The following UTS2R variants were observed in gnomAD, a reference collection of about 807,000 sequenced individuals.
The protein encoded by UTS2R is urotensin 2 receptor.
For synonymous variants in UTS2R, 335 were observed against 280.9 expected, an observed-to-expected ratio of 1.19 and a Z score of -1.93; for missense variants, 653 against 562.2, an observed-to-expected ratio of 1.16 and a Z score of -1.63.
chr17:82,375,089 C>T lies in UTS2R; in HGVS notation c.765C>T (p.Arg255=). ...AGCGGGCCCGGCGGCCGGGGGCGCG[C>T]GCGCTGCGCCTGGTGCTGGGCATCG... The part of the protein sequence containing the change: ...SFKRARRPGA[R]ALRLVLGIVL... Residue 255 remains arginine, a synonymous_variant, in exon 3 of 3, where the codon CGC becomes CGT. Transcript: ENST00000313135. The T allele has an allele frequency of 7.1e-7, 1 of 1,410,434 alleles. No individual in the cohort carries two copies. Among genetic ancestry groups the T allele is most frequent in the South Asian group, 1.6e-5 (1 of 63,440 alleles). The allele number at this position is 1,410,434 out of a possible 1,614,324, so 87.4% of individuals were successfully genotyped here.
In UTS2R at chr17:82,375,455, G is replaced by C. The variant is rs760837861; in HGVS notation, c.1131G>C (p.Pro377=). The change falls in exon 3 of 3, where the codon CCG becomes CCC. Residue 377 remains proline (P), a synonymous_variant. Transcript: ENST00000313135. ...TDSLVLAPAA[P]ARPAPEGPRA... Reference sequence around the variant, plus strand: ...GCCTCGTGCTGGCCCCAGCGGCCCCGGCCCGACCTGCGCCCGAGGGTCCCA... The same window carrying C: ...GCCTCGTGCTGGCCCCAGCGGCCCCCGCCCGACCTGCGCCCGAGGGTCCCA... 2 of 1,525,472 alleles carry C rather than the reference G, an allele frequency of 1.3e-6. No homozygotes were observed. Among genetic ancestry groups the C allele is most frequent in the Non-Finnish European group, 8.8e-7 (1 of 1,140,894 alleles). The allele number at this position is 1,525,472 out of a possible 1,614,324, so 94.5% of individuals were successfully genotyped here.
chr17:82,373,161 T>C (rs2052462427), intron 2 of UTS2R, among the ~76,000 whole-genome samples: 1 of 152,140 alleles, frequency 6.6e-6, no homozygotes, highest in Non-Finnish European at 1.5e-5. Context: ...GTTTCTTCTT[T>C]TTTTTTTTCT....
Position 82,374,658 on chromosome 17 carries a change from G to A in UTS2R, c.334G>A (p.Val112Ile), listed in dbSNP as rs199706256. ...LSIPFIVATY[V>I]TKEWHFGDVG... ...CATCCCCTTCATCGTGGCCACCTAC[G>A]TCACCAAGGAGTGGCACTTCGGGGA... Residue 112 changes from valine to isoleucine, a missense_variant, in exon 3 of 3, where the codon GTC becomes ATC. By Grantham distance (29) the Val-to-Ile change is conservative. Coordinates refer to ENST00000313135, the MANE Select transcript of UTS2R (RefSeq NM_018949.3). 5 of 1,613,326 alleles carry A rather than the reference G, an allele frequency of 3.1e-6. No individual in the cohort carries two copies. Among genetic ancestry groups the A allele is most frequent in the Non-Finnish European group, 4.2e-6 (5 of 1,179,948 alleles).
chr17:82,375,164 C>T lies in UTS2R; in HGVS notation c.840C>T (p.Leu280=). The change falls in exon 3 of 3, where the codon CTC becomes CTT. Residue 280 remains leucine (L), a synonymous_variant. Coordinates refer to ENST00000313135, the MANE Select transcript of UTS2R (RefSeq NM_018949.3). The part of the protein sequence containing the change: ...CFLPFWLWQL[L]AQYHQAPLAP... ...TGCCCTTCTGGCTGTGGCAGCTGCT[C>T]GCCCAGTACCACCAGGCCCCGCTGG... The T allele has an allele frequency of 6.5e-7, 1 of 1,543,948 alleles. No individual in the cohort carries two copies. Among genetic ancestry groups the T allele is most frequent in the Non-Finnish European group, 8.7e-7 (1 of 1,145,584 alleles).
Position 82,375,189 on chromosome 17 carries a change from G to T in UTS2R, c.865G>T (p.Ala289Ser), listed in dbSNP as rs759473085. ...CGCCCAGTACCACCAGGCCCCGCTG[G>T]CGCCGCGGACGGCGCGCATCGTCAA... ...LLAQYHQAPL[A>S]PRTARIVNYL... Residue 289 changes from alanine (A) to serine (S), a missense_variant, in exon 3 of 3, where the codon GCG (alanine) becomes TCG (serine). Physicochemically the swap from Ala to Ser is moderately conservative, Grantham distance 99. Transcript: ENST00000313135. The T allele has an allele frequency of 5.0e-5, 78 of 1,559,026 alleles. 1 individual carries two copies. The Middle Eastern group carries it at 6.7e-4, about 13-fold the overall frequency.
In UTS2R at chr17:82,374,912, G is replaced by C. The variant is rs1463152660; in HGVS notation, c.588G>C (p.Lys196Asn). 8.5e-7 allele frequency: 1 copy of C among 1,180,502 alleles called. No homozygotes were observed. Among genetic ancestry groups the C allele is most frequent in the South Asian group, 1.3e-5 (1 of 78,414 alleles). The allele number at this position is 1,180,502 out of a possible 1,614,324, so 73.1% of individuals were successfully genotyped here. A position where few individuals can be genotyped will look rare whatever the true frequency, so the allele number is the denominator to read the frequency against. Residue 196 changes from lysine to asparagine, a missense_variant, in exon 3 of 3, where the codon AAG (lysine) becomes AAC (asparagine). By Grantham distance (94) the Lys-to-Asn change is moderately conservative (BLOSUM62 0). Transcript: ENST00000313135. ...LAMRLVRRGPKSLCLPAWGPR... is the reference protein window; with the variant it reads ...LAMRLVRRGPNSLCLPAWGPR... ...TGCGGCTGGTGCGCCGGGGTCCCAA[G>C]AGCCTGTGCCTGCCCGCCTGGGGCC...
Position 82,376,096 on chromosome 17 carries a change from A to C in UTS2R, c.*602A>C, listed in dbSNP as rs7502864. On this transcript the variant is annotated 3_prime_UTR_variant, in exon 3 of 3. Coordinates refer to ENST00000313135, the MANE Select transcript of UTS2R (RefSeq NM_018949.3). ...GGGCAGGGAAGGTGGCCAGGAGGGG[A>C]GGCTCCAGCTGAGGGGTGGAGCAGG... 0.18 allele frequency among the ~76,000 whole-genome samples: 27,577 copies of C among 152,092 alleles called. 3,227 individuals carry two copies. The highest frequency in any genetic ancestry group is 0.26 in the Non-Finnish European group (17,842 of 67,930).
Position 82,375,511 on chromosome 17 carries a change from C to T in UTS2R, c.*17C>T. ...CCGGCGTGAGCACGCGGAGGGGCGG[C>T]TGGAGTCCAGGCGGGGACGCGCCCC... On this transcript the variant is annotated 3_prime_UTR_variant, in exon 3 of 3. Transcript: ENST00000313135. The T allele has an allele frequency of 8.8e-7, 1 of 1,132,398 alleles. No individual in the cohort carries two copies. Among genetic ancestry groups the T allele is most frequent in the Non-Finnish European group, 1.2e-6 (1 of 836,140 alleles). The allele number at this position is 1,132,398 out of a possible 1,614,324, so 70.1% of individuals were successfully genotyped here.
chr17:82,375,326 C>G lies in UTS2R; in HGVS notation c.1002C>G (p.Gly334=). Residue 334 remains glycine, a synonymous_variant, in exon 3 of 3, where the codon GGC becomes GGG. Coordinates refer to ENST00000313135, the MANE Select transcript of UTS2R (RefSeq NM_018949.3). Reference sequence around the variant, plus strand: ...TGCGCGGCCGCGTGCGGGGCCCGGGCAGCGGGGGAGGCCGGGGGCCCGTTC... The same window carrying G: ...TGCGCGGCCGCGTGCGGGGCCCGGGGAGCGGGGGAGGCCGGGGGCCCGTTC... ...DHLRGRVRGP[G]SGGGRGPVPS... 2 of 1,548,692 alleles carry G rather than the reference C, an allele frequency of 1.3e-6. No homozygotes were observed. Among genetic ancestry groups the G allele is most frequent in the Non-Finnish European group, 8.7e-7 (1 of 1,148,650 alleles).
rs746375482 is a variant in UTS2R, at chr17:82,375,309, C to CGCGT, written c.989_992dup (p.Gly332AlafsTer38). 9.7e-6 allele frequency: 15 copies of CGCGT among 1,547,364 alleles called. No homozygotes were observed. In the South Asian group the frequency reaches 1.7e-4, roughly 17 times the overall value. ...GAACTACCGCGACCACCTGCGCGGC[C>CGCGT]GCGTGCGGGGCCCGGGCAGCGGGGG... On this transcript the variant is annotated frameshift_variant, in exon 3 of 3. Coordinates refer to ENST00000313135, the MANE Select transcript of UTS2R (RefSeq NM_018949.3). LOFTEE classifies it low-confidence loss of function (END_TRUNC).
chr17:82,375,320 C>A lies in UTS2R; in HGVS notation c.996C>A (p.Gly332=), dbSNP rs1418051962. The A allele has an allele frequency of 8.4e-6, 13 of 1,546,144 alleles. No homozygotes were observed. Among genetic ancestry groups the A allele is most frequent in the South Asian group, 1.2e-5 (1 of 83,412 alleles). ...ACCACCTGCGCGGCCGCGTGCGGGG[C>A]CCGGGCAGCGGGGGAGGCCGGGGGC... The part of the protein sequence containing the change: ...YRDHLRGRVR[G]PGSGGGRGPV... The change falls in exon 3 of 3, where the codon GGC becomes GGA. Residue 332 remains glycine, a synonymous_variant. Transcript: ENST00000313135.
At position 82,375,328 on chromosome 17, in the gene UTS2R, G is replaced by A; in HGVS notation, c.1004G>A (p.Ser335Asn). ...HLRGRVRGPG[S>N]GGGRGPVPSL... is the part of the protein sequence containing the mutation. The stretch of plus-strand genomic sequence containing the variant: ...CGCGGCCGCGTGCGGGGCCCGGGCA[G>A]CGGGGGAGGCCGGGGGCCCGTTCCC... The change falls in exon 3 of 3, where the codon AGC (serine) becomes AAC (asparagine). Residue 335 changes from serine to asparagine, a missense_variant. Physicochemically the swap from Ser to Asn is conservative, Grantham distance 46. Transcript: ENST00000313135. 1 of 1,550,684 alleles carries A rather than the reference G, an allele frequency of 6.4e-7. No individual in the cohort carries two copies. The highest frequency in any genetic ancestry group is 1.2e-5 in the South Asian group (1 of 83,708).
chr17:82,375,735 A>G lies in UTS2R; in HGVS notation c.*241A>G, dbSNP rs916266321. The G allele has an allele frequency of 2.4e-6, 1 of 417,428 alleles. No homozygotes were observed. Among genetic ancestry groups the G allele is most frequent in the Non-Finnish European group, 4.2e-6 (1 of 238,758 alleles). 25.9% of individuals were successfully genotyped at this position (417,428 alleles called of 1,614,324 possible). ...CTTCTGGAGACCATGGCTTCGTCAC[A>G]GAGGGCAGCAGGCGCCAGTGCCCGG... On this transcript the variant is annotated 3_prime_UTR_variant, in exon 3 of 3. Transcript: ENST00000313135.
At position 82,374,391 on chromosome 17, in the gene UTS2R, G is replaced by T; in HGVS notation, c.67G>T (p.Glu23Ter). Residue 23 changes from glutamate to a stop codon, truncating the protein, a stop_gained, in exon 3 of 3, where the codon GAG (glutamate) becomes TAG (stop). Coordinates refer to ENST00000313135, the MANE Select transcript of UTS2R (RefSeq NM_018949.3). LOFTEE classifies it low-confidence loss of function (END_TRUNC). ...GGCCGCCACTGGCAGCTCTGTGCCG[G>T]AGCCGCCTGGCGGCCCCAACGCAAC... ...GLAATGSSVP[E>*]PPGGPNATLN... 2 of 1,590,820 alleles carry T rather than the reference G, an allele frequency of 1.3e-6. No homozygotes were observed. The highest frequency in any genetic ancestry group is 1.7e-6 in the Non-Finnish European group (2 of 1,174,722).
At chr17:82,373,898 C>A (rs923071587) in intron 2 of UTS2R, among the ~76,000 whole-genome samples, 1 of 152,206 alleles carries the variant, frequency 6.6e-6, no homozygotes. Flanking sequence ...CCTGGGGGGG[C>A]GCAATGGGCA....
rs1469685168 is a variant in UTS2R at position 82,375,416 on chromosome 17, A to G, written c.1092A>G (p.Pro364=). 3.2e-6 allele frequency: 5 copies of G among 1,575,338 alleles called. No homozygotes were observed. Among genetic ancestry groups the G allele is most frequent in the Non-Finnish European group, 4.3e-6 (5 of 1,169,962 alleles). Residue 364 remains proline (P), a synonymous_variant, in exon 3 of 3, where the codon CCA becomes CCG. Transcript: ENST00000313135. ...CSGRSLSSCS[P]QPTDSLVLAP... is the part of the protein sequence containing the mutation. ...GCCGCTCCCTGTCTTCCTGCAGCCC[A>G]CAGCCCACTGACAGCCTCGTGCTGG...
rs1027952199 is a variant in UTS2R, at chr17:82,376,907, A to G, written c.*1413A>G. Among the ~76,000 whole-genome samples the G allele has an allele frequency of 2.3e-4, 35 of 151,684 alleles. No homozygotes were observed. Among genetic ancestry groups the G allele is most frequent in the Non-Finnish European group, 4.1e-4 (28 of 67,906 alleles). ...AGGTGAGGGGCGCCTCTGCCCGGCC[A>G]CCCCTACTGGGAAGTGAGGAGCCCC... On this transcript the variant is annotated 3_prime_UTR_variant, in exon 3 of 3. Coordinates refer to ENST00000313135, the MANE Select transcript of UTS2R (RefSeq NM_018949.3).
At position 82,374,444 on chromosome 17, in the gene UTS2R, C is replaced by T. The variant is rs377274020; in HGVS notation, c.120C>T (p.Thr40=). The T allele has an allele frequency of 2.5e-6, 4 of 1,599,570 alleles. No homozygotes were observed. The highest frequency in any genetic ancestry group is 2.2e-5 in the South Asian group (2 of 89,604). The change falls in exon 3 of 3, where the codon ACC becomes ACT. Residue 40 remains threonine (T), a synonymous_variant. Coordinates refer to ENST00000313135, the MANE Select transcript of UTS2R (RefSeq NM_018949.3). ...ATLNSSWASP[T]EPSSLEDLVA... is the part of the protein sequence containing the mutation. Reference sequence around the variant, plus strand: ...TCAACAGCTCCTGGGCCAGCCCGACCGAGCCCAGCTCCCTGGAGGACCTGG... The same window carrying T: ...TCAACAGCTCCTGGGCCAGCCCGACTGAGCCCAGCTCCCTGGAGGACCTGG...
Position 82,374,500 on chromosome 17 carries a change from C to A in UTS2R, c.176C>A (p.Ser59Ter), listed in dbSNP as rs767518669. The change falls in exon 3 of 3, where the codon TCG (serine) becomes TAG (stop). Residue 59 changes from serine (S) to a stop codon, truncating the protein, a stop_gained. Transcript: ENST00000313135. LOFTEE classifies it low-confidence loss of function (END_TRUNC). ...ACGGGCACCATTGGGACTCTGCTGTCGGCCATGGGCGTGGTGGGCGTGGTG... is the reference window on the plus strand; with the variant it reads ...ACGGGCACCATTGGGACTCTGCTGTAGGCCATGGGCGTGGTGGGCGTGGTG... The part of the protein sequence containing the change: ...VATGTIGTLL[S>*]AMGVVGVVGN... 1.4e-5 allele frequency: 22 copies of A among 1,587,140 alleles called. No individual in the cohort carries two copies. The highest frequency in any genetic ancestry group is 5.4e-5 in the African/African-American group (4 of 74,530).
Sources: allele counts gnomAD v4.1 joint callset (sites outside exome capture counted in the v4.1 genomes callset), GRCh38; gene constraint gnomAD v4.1.1; transcripts MANE v1.5; gene names NCBI Gene and HGNC (gene_info 2026-07-23, HGNC 2026-07-21).